The following ZNF462 variants were observed in gnomAD, a reference collection of about 807,000 sequenced individuals.
ZNF462 encodes zinc finger protein 462.
Under a neutral mutation model 201.9 loss-of-function variants are expected in ZNF462, and 10 were observed. That is an observed-to-expected ratio of 0.05 (90% CI 0.03 to 0.08). The LOEUF (loss-of-function observed/expected upper bound fraction) is 0.08, where lower values mean the gene tolerates loss of function less well. ZNF462 is among the 10% of genes least tolerant of loss of function. The pLI is 1.00. For missense variants in ZNF462, 2,523 were observed against 3,168.3 expected (o/e 0.80, Z 4.89); for synonymous variants, 1,227 against 1,193.3 (o/e 1.03, Z -0.58).
rs1313510529 is a variant in ZNF462 at position 106,865,220 on chromosome 9, T to G, written c.-31+1865T>G. Among the ~76,000 whole-genome samples the G allele has an allele frequency of 6.6e-6, 1 of 152,164 alleles. No homozygotes were observed. Among genetic ancestry groups the G allele is most frequent in the Middle Eastern group, 3.2e-3 (1 of 316 alleles). On this transcript the variant is annotated intron_variant, in intron 1 of 12. Transcript: ENST00000277225. The surrounding 1 kb of genome is among the most constrained non-coding windows in gnomAD (Gnocchi z 4.1). ...AAACTTTTGGAATTTTTTTTCTCCT[T>G]TTGAGTGGACCTGAAGGGTTTTGAC... is the stretch of plus-strand genomic sequence containing the variant.
At chr9:106,949,360 A>G (rs533893276) in intron 7 of ZNF462, among the ~76,000 whole-genome samples, 1 of 152,332 alleles carries the variant, frequency 6.6e-6, no homozygotes, top group East Asian at 1.9e-4. Context: ...AACCGCACAC[A>G]AGGAAAGCCA....
chr9:106,917,267 G>A lies in ZNF462; in HGVS notation c.-30-6087G>A, dbSNP rs1829812455. Among the ~76,000 whole-genome samples the A allele has an allele frequency of 6.6e-6, 1 of 152,186 alleles. No individual in the cohort carries two copies. The highest frequency in any genetic ancestry group is 1.5e-5 in the Non-Finnish European group (1 of 68,036). Reference sequence around the variant, plus strand: ...TGATGATTCCAAAGGTATCTATTAAGAAATAGTACTCCAGCATACTCTGTA... The same window carrying A: ...TGATGATTCCAAAGGTATCTATTAAAAAATAGTACTCCAGCATACTCTGTA... On this transcript the variant is annotated intron_variant, in intron 1 of 12. Coordinates refer to ENST00000277225, the MANE Select transcript of ZNF462 (RefSeq NM_021224.6). The surrounding 1 kb of genome is among the most constrained non-coding windows in gnomAD (Gnocchi z 4.5).
At chr9:106,860,643 G>A (rs1334218621), upstream of ZNF462, among the ~76,000 whole-genome samples, 3 of 152,300 alleles carry the variant, frequency 2.0e-5, no homozygotes, top group East Asian at 1.9e-4. The surrounding 1 kb of genome is among the most constrained non-coding windows in gnomAD (Gnocchi z 7.1). Context: ...TTATTTTCCC[G>A]GTGCAGAGCT....
At chr9:106,980,819 C>T (rs945752653) in intron 9 of ZNF462, among the ~76,000 whole-genome samples, 1 of 152,152 alleles carries the variant, frequency 6.6e-6, no homozygotes, top group African/African-American at 2.4e-5. Flanking sequence ...CTTGAGTTTT[C>T]ACCCAAGGTA....
intron 1 of ZNF462, among the ~76,000 whole-genome samples, chr9:106,891,821 G>C (rs1436450263): frequency 6.6e-6 from 1 of 152,088 alleles, no homozygotes; most frequent in Non-Finnish European, 1.5e-5. Context: ...ATATTCAAGA[G>C]AGTTTTTTCC....
In ZNF462 at chr9:107,010,893, A is replaced by G. The variant is rs181658974; in HGVS notation, c.7384A>G (p.Lys2462Glu). ...HPKEIMENSV[K>E]MPSIEEKEDD... ...AAAAGAGATCATGGAGAACAGTGTT[A>G]AAATGCCCTCCATAGAGGAAAAGGA... The change falls in exon 13 of 13, where the codon AAA becomes GAA. Residue 2462 changes from lysine (K) to glutamate (E), a missense_variant. Around this residue, in one of 15 missense-constraint regions of ZNF462, gnomAD observed 67 missense variants for 63.2 expected, o/e 1.06. Transcript: ENST00000277225. The surrounding 1 kb of genome is among the most constrained non-coding windows in gnomAD (Gnocchi z 4.6). 25 of 1,613,620 alleles carry G rather than the reference A, an allele frequency of 1.5e-5. No homozygotes were observed. In the East Asian group the frequency reaches 5.4e-4, roughly 35 times the overall value.
intron 1 of ZNF462, among the ~76,000 whole-genome samples, chr9:106,906,835 T>C (rs1029615265): frequency 2.0e-5 from 3 of 152,234 alleles, no homozygotes; most frequent in African/African-American, 4.8e-5. Flanking sequence ...TTTACCTTAT[T>C]TGTAAATTTT....
At chr9:106,907,983 A>C (rs946092973) in intron 1 of ZNF462, among the ~76,000 whole-genome samples, 3 of 152,008 alleles carry the variant, frequency 2.0e-5, no homozygotes, top group African/African-American at 7.2e-5. Context: ...AATGTTAAAA[A>C]ATTTTCTCAA....
At chr9:107,004,018 G>T (rs1210492552) in intron 11 of ZNF462, among the ~76,000 whole-genome samples, 1 of 152,058 alleles carries the variant, frequency 6.6e-6, no homozygotes, top group African/African-American at 2.4e-5. Flanking sequence ...TGGGACTTTG[G>T]TACTATTTTT....
chr9:107,009,797 G>C lies in ZNF462; in HGVS notation c.7313+129G>C. On this transcript the variant is annotated intron_variant, in intron 12 of 12. Coordinates refer to ENST00000277225, the MANE Select transcript of ZNF462 (RefSeq NM_021224.6). This position sits in a 1 kb window ranked among gnomAD's most constrained non-coding sequence, Gnocchi z 6.1. ...GTCACATTTCTGGGCCGTGGGAGGA[G>C]AGGCAATGGTGAGGAACCAAGTTTC... 1 of 1,354,952 alleles carries C rather than the reference G, an allele frequency of 7.4e-7. No homozygotes were observed. Among genetic ancestry groups the C allele is most frequent in the South Asian group, 1.5e-5 (1 of 67,022 alleles). 83.9% of individuals were successfully genotyped at this position (1,354,952 alleles called of 1,614,324 possible).
rs921585084 is a variant in ZNF462, at chr9:106,962,840, C to G, written c.6428-9165C>G. 3.3e-5 allele frequency among the ~76,000 whole-genome samples: 5 copies of G among 151,914 alleles called. No individual in the cohort carries two copies. The highest frequency in any genetic ancestry group is 9.7e-5 in the African/African-American group (4 of 41,390). The stretch of plus-strand genomic sequence containing the variant: ...TATATAGTCATCCAGCATCCATTGT[C>G]CCCCTGGCCATTGTATCATAATCTT... On this transcript the variant is annotated intron_variant, in intron 7 of 12. Coordinates refer to ENST00000277225, the MANE Select transcript of ZNF462 (RefSeq NM_021224.6). The surrounding 1 kb of genome is among the most constrained non-coding windows in gnomAD (Gnocchi z 4.6).
At chr9:106,922,738 A>C (rs973433500) in intron 1 of ZNF462, among the ~76,000 whole-genome samples, 5 of 152,300 alleles carry the variant, frequency 3.3e-5, no homozygotes, top group South Asian at 2.1e-4. Flanking sequence ...GGAAAAAAAA[A>C]CCCACAACTA....
rs755534398 is a variant in ZNF462, at chr9:106,924,540, G to A, written c.628G>A (p.Val210Ile). Residue 210 changes from valine (V) to isoleucine (I), a missense_variant, in exon 3 of 13, where the codon GTA (valine) becomes ATA (isoleucine). Val to Ile is a conservative substitution (Grantham distance 29). Around this residue, in one of 15 missense-constraint regions of ZNF462, gnomAD observed 480 missense variants for 544.4 expected, o/e 0.88. Coordinates refer to ENST00000277225, the MANE Select transcript of ZNF462 (RefSeq NM_021224.6). This position sits in a 1 kb window ranked among gnomAD's most constrained non-coding sequence, Gnocchi z 6.2. ...AATGCCAGACCCTGTGGTTCCGCCC[G>A]TATCACTGCAGGACCCCTGCAAGGA... ...APMPDPVVPPVSLQDPCKELP... is the reference protein window; with the variant it reads ...APMPDPVVPPISLQDPCKELP... The A allele has an allele frequency of 1.4e-5, 23 of 1,613,996 alleles. No homozygotes were observed. Among genetic ancestry groups the A allele is most frequent in the Admixed American group, 5.0e-5 (3 of 59,998 alleles).
intron 1 of ZNF462, among the ~76,000 whole-genome samples, chr9:106,892,448 C>T (rs2131066108): frequency 6.6e-6 from 1 of 152,272 alleles, no homozygotes; most frequent in Non-Finnish European, 1.5e-5. Flanking sequence ...ACCACAATCT[C>T]AGGGTCTCAC....
chr9:106,941,988 A>T (rs1054708092), intron 7 of ZNF462, among the ~76,000 whole-genome samples: 1 of 152,192 alleles, frequency 6.6e-6, no homozygotes, highest in Non-Finnish European at 1.5e-5. Context: ...ACATTTTAAT[A>T]GAGAGAAGCT....
intron 1 of ZNF462, among the ~76,000 whole-genome samples, chr9:106,877,415 A>C (rs2130894600): frequency 6.7e-6 from 1 of 148,194 alleles, no homozygotes; most frequent in Non-Finnish European, 1.5e-5. Context: ...TTGAGATAAG[A>C]TCTTGCGCTG....
At chr9:106,988,923 TAGG>T (rs1564155700) in intron 10 of ZNF462, among the ~76,000 whole-genome samples, 1 of 152,178 alleles carries the variant, frequency 6.6e-6, no homozygotes, top group African/African-American at 2.4e-5. Flanking sequence ...TTATCGGTTC[TAGG>T]AGATTTCTGG....
chr9:106,928,604 G>A lies in ZNF462; in HGVS notation c.4692G>A (p.Glu1564=), dbSNP rs1298170886. 1 of 1,614,144 alleles carries A rather than the reference G, an allele frequency of 6.2e-7. No homozygotes were observed. The highest frequency in any genetic ancestry group is 8.5e-7 in the Non-Finnish European group (1 of 1,180,028). ...CTGACATATCCCAGAATGACGTGGA[G>A]GAGACGAGCAGGATCTTCAAGCAAG... is the stretch of plus-strand genomic sequence containing the variant. ...QSADISQNDV[E]ETSRIFKQGY... The change falls in exon 3 of 13, where the codon GAG becomes GAA. Residue 1564 remains glutamate, a synonymous_variant. Transcript: ENST00000277225. The surrounding 1 kb of genome is among the most constrained non-coding windows in gnomAD (Gnocchi z 9.3).
rs1385605112 is a variant in ZNF462, at chr9:106,966,438, A to G, written c.6428-5567A>G. On this transcript the variant is annotated intron_variant, in intron 7 of 12. Coordinates refer to ENST00000277225, the MANE Select transcript of ZNF462 (RefSeq NM_021224.6). The surrounding 1 kb of genome is among the most constrained non-coding windows in gnomAD (Gnocchi z 4.4). Reference sequence around the variant, plus strand: ...TAGTGTTGATTTCATTAATTAGCACACTAATTAATACTAGTTATATTTATT... The same window carrying G: ...TAGTGTTGATTTCATTAATTAGCACGCTAATTAATACTAGTTATATTTATT... Among the ~76,000 whole-genome samples the G allele has an allele frequency of 1.1e-4, 17 of 152,244 alleles. No homozygotes were observed. Among genetic ancestry groups the G allele is most frequent in the Non-Finnish European group, 1.5e-5 (1 of 67,990 alleles).
Sources: gnomAD v4.1 joint callset for allele counts (sites outside exome capture counted in the v4.1 genomes callset) on GRCh38, gnomAD v4.1.1 for gene constraint, gnomAD v4.1.1 regional missense constraint, Gnocchi (gnomAD v3.1) non-coding constraint, MANE v1.5 for transcripts, NCBI Gene and HGNC (gene_info 2026-07-23, HGNC 2026-07-21) for gene names.